Variants in BRF1 observed in about 807,000 individuals in gnomAD.
BRF1 encodes transcription factor IIIB 90 kDa subunit.
In BRF1, 59 loss-of-function variants were observed where a neutral mutation model predicts 81.7. That is an observed-to-expected ratio of 0.72 (90% CI 0.59 to 0.90). The LOEUF (loss-of-function observed/expected upper bound fraction) is 0.90, where lower values mean the gene tolerates loss of function less well. Among genes scored for constraint, BRF1 ranks in the 40% least tolerant of loss-of-function variants. The probability of loss-of-function intolerance (pLI) is 0.00; values close to 1 mark genes in which losing one functional copy is unlikely to be tolerated. For synonymous variants in BRF1, 491 were observed against 395.6 expected, an observed-to-expected ratio of 1.24 and a Z score of -2.86; for missense variants, 1,050 against 936.3, an observed-to-expected ratio of 1.12 and a Z score of -1.58.
chr14:105,226,958 A>AC (rs1893204895), intron 7 of BRF1, 198 bp from the exon 8 acceptor site: 1 of 672,390 alleles, frequency 1.5e-6, no homozygotes, highest in South Asian at 2.0e-5. Context: ...AAAAAAAAAA[A>AC]AAAAAATTAG....
intron 3 of BRF1, among the ~76,000 whole-genome samples, chr14:105,258,775 G>T (rs992904557): frequency 6.6e-6 from 1 of 151,882 alleles, no homozygotes; most frequent in African/African-American, 2.4e-5. Flanking sequence ...CTCCAGCCTG[G>T]GCAACAGAGC....
At chr14:105,254,093 G>T (rs2140313433) in intron 4 of BRF1, among the ~76,000 whole-genome samples, 1 of 152,162 alleles carries the variant, frequency 6.6e-6, no homozygotes, top group African/African-American at 2.4e-5. Flanking sequence ...TCTGCTGCTG[G>T]CCTCTGCCTG....
chr14:105,285,508 A>C (rs1372381754), intron 2 of BRF1, among the ~76,000 whole-genome samples: 1 of 152,220 alleles, frequency 6.6e-6, no homozygotes, highest in Admixed American at 6.5e-5. Context: ...GCAAACGCTG[A>C]CTCAATATGG....
At chr14:105,251,583 G>A (rs2140302459) in intron 5 of BRF1, among the ~76,000 whole-genome samples, 1 of 152,316 alleles carries the variant, frequency 6.6e-6, no homozygotes, top group East Asian at 1.9e-4. Context: ...GCACCTGGGA[G>A]AGGGCATGGG....
chr14:105,306,300 T>TTG (rs1410300326), intron 1 of BRF1, among the ~76,000 whole-genome samples: 7 of 152,034 alleles, frequency 4.6e-5, no homozygotes, highest in African/African-American at 1.7e-4. Flanking sequence ...TGTTTTGTTT[T>TTG]GTTTTGTTTT....
intron 1 of BRF1, among the ~76,000 whole-genome samples, 156 bp downstream of exon 1, chr14:105,300,290 G>C (rs1241235869): frequency 6.6e-6 from 1 of 152,038 alleles, no homozygotes. Flanking sequence ...CTACATTCTC[G>C]CCAAGGGGAT....
intron 7 of BRF1, chr14:105,227,815 T>C (rs972396310): frequency 1.3e-5 from 2 of 152,262 alleles, no homozygotes; most frequent in Non-Finnish European, 2.9e-5. Context: ...AATGGTCAGA[T>C]GTTTAAAGTG....
intron 5 of BRF1, chr14:105,248,460 G>A (rs1037887646): frequency 8.1e-6 from 8 of 985,076 alleles, no homozygotes; most frequent in Non-Finnish European, 9.6e-6. Flanking sequence ...GCAGAAGCTC[G>A]AGCAGCTTCG....
chr14:105,248,585 GCGGGA>G (rs2055318852), intron 5 of BRF1: 1 of 609,948 alleles, frequency 1.6e-6, no homozygotes, highest in Admixed American at 6.8e-5. Flanking sequence ...GGGCGGGCGG[GCGGGA>G]CGGCGCCCCC....
At chr14:105,245,482 A>G (rs942098393) in intron 5 of BRF1, among the ~76,000 whole-genome samples, 4 of 152,238 alleles carry the variant, frequency 2.6e-5, no homozygotes, top group Non-Finnish European at 5.9e-5. Flanking sequence ...AAAAAGAAGC[A>G]AATAAATTAC....
At chr14:105,220,004 G>A (rs1892020483) in intron 12 of BRF1, 65 bp downstream of exon 12, 1 of 1,593,374 alleles carries the variant, frequency 6.3e-7, no homozygotes, top group African/African-American at 1.3e-5. Flanking sequence ...CGACCACTCA[G>A]GGCTCCTTGG....
intron 6 of BRF1, among the ~76,000 whole-genome samples, chr14:105,229,461 G>C (rs587749214): frequency 6.6e-6 from 1 of 152,238 alleles, no homozygotes; most frequent in African/African-American, 2.4e-5. Context: ...GGGCACGAGG[G>C]TAAGGGCCCG....
intron 5 of BRF1, among the ~76,000 whole-genome samples, chr14:105,243,220 T>G (rs1463560504): frequency 1.4e-5 from 2 of 147,684 alleles, no homozygotes; most frequent in Non-Finnish European, 3.0e-5. Context: ...GCAGGTGGAT[T>G]GCCTGAGCTT....
intron 15 of BRF1, chr14:105,217,162 A>G (rs1431504347): frequency 9.1e-6 from 3 of 330,228 alleles, no homozygotes; most frequent in Non-Finnish European, 1.7e-5. Context: ...TCACCTCAGC[A>G]GAGACGGCAA....
At position 105,300,760 on chromosome 14, in the gene BRF1, G is replaced by T; in HGVS notation, c.-131C>A. ...GCCGCTCTCGCGAGGCCCCGCTCCA[G>T]CCGATTCGCAGCCGCAGATTCGCCG... On this transcript the variant is annotated 5_prime_UTR_variant, in exon 1 of 18. The change creates a new upstream start codon in the 5' untranslated region. Transcript: ENST00000547530. 1 of 686,448 alleles carries T rather than the reference G, an allele frequency of 1.5e-6. No homozygotes were observed. The highest frequency in any genetic ancestry group is 2.0e-6 in the Non-Finnish European group (1 of 509,152). The allele number at this position is 686,448 out of a possible 1,614,324, so 42.5% of individuals were successfully genotyped here.
Position 105,271,210 on chromosome 14 carries a change from G to T in BRF1, c.439+1511C>A, listed in dbSNP as rs989292124. 2.0e-5 allele frequency among the ~76,000 whole-genome samples: 3 copies of T among 152,260 alleles called. No homozygotes were observed. Among genetic ancestry groups the T allele is most frequent in the African/African-American group, 7.2e-5 (3 of 41,470 alleles). ...GTTCAGTGTGGCAGGCAGAGTAACA[G>T]AGAAGAAGGGAGACACATCTAACGA... On this transcript the variant is annotated intron_variant, in intron 3 of 17. Transcript: ENST00000547530. This position sits in a 1 kb window ranked among gnomAD's most constrained non-coding sequence, Gnocchi z 5.5.
At chr14:105,281,110 T>C (rs1464984764) in intron 2 of BRF1, among the ~76,000 whole-genome samples, 12 of 124,984 alleles carry the variant, frequency 9.6e-5, no homozygotes, top group South Asian at 2.9e-4. Context: ...GGTGTGTGGA[T>C]ACAGCCTGCG....
chr14:105,254,693 C>G (rs1208740402), intron 4 of BRF1, among the ~76,000 whole-genome samples: 3 of 152,152 alleles, frequency 2.0e-5, no homozygotes, highest in Non-Finnish European at 4.4e-5. Flanking sequence ...TCCTAAGTAG[C>G]TGGGATTATA....
intron 3 of BRF1, among the ~76,000 whole-genome samples, chr14:105,260,316 G>A (rs587708968): frequency 2.0e-5 from 3 of 152,200 alleles, no homozygotes; most frequent in Admixed American, 6.5e-5. Flanking sequence ...TTTGGGGAGC[G>A]GACCACAGGT....
Sources: gnomAD v4.1 joint callset for allele counts (sites outside exome capture counted in the v4.1 genomes callset) on GRCh38, gnomAD v4.1.1 for gene constraint, Gnocchi (gnomAD v3.1) non-coding constraint, MANE v1.5 for transcripts, NCBI Gene and HGNC (gene_info 2026-07-23, HGNC 2026-07-21) for gene names.